RRAS2: variants seen among roughly 807,000 people sequenced by gnomAD.
The protein encoded by RRAS2 is ras-related protein R-Ras2.
Under a neutral mutation model 27.6 loss-of-function variants are expected in RRAS2, and 7 were observed. The ratio of observed to expected loss-of-function variants is 0.25; its 90% confidence interval spans 0.14 to 0.48. The LOEUF (loss-of-function observed/expected upper bound fraction) is 0.48, where lower values mean the gene tolerates loss of function less well. Among genes scored for constraint, RRAS2 ranks in the 20% least tolerant of loss-of-function variants. The probability of loss-of-function intolerance (pLI) is 0.99; values close to 1 mark genes in which losing one functional copy is unlikely to be tolerated. For missense variants in RRAS2, 178 were observed against 256.2 expected, an observed-to-expected ratio of 0.69 and a Z score of 2.08; for synonymous variants, 86 against 90.9, an observed-to-expected ratio of 0.95 and a Z score of 0.31.
chr11:14,358,992 T>A lies in RRAS2; in HGVS notation c.-122A>T, dbSNP rs1849145324. The A allele has an allele frequency of 1.8e-6, 2 of 1,140,782 alleles. No homozygotes were observed. Among genetic ancestry groups the A allele is most frequent in the African/African-American group, 3.3e-5 (2 of 60,850 alleles). The allele number at this position is 1,140,782 out of a possible 1,614,324, so 70.7% of individuals were successfully genotyped here. A position where few individuals can be genotyped will look rare whatever the true frequency, so the allele number is the denominator to read the frequency against. ...CGAGCGGCCGGGCTGGGGTCCCGGG[T>A]ACCGGGAGGCGTCTGGAGGGCCGGT... On this transcript the variant is annotated 5_prime_UTR_variant, in exon 1 of 6. Transcript: ENST00000256196. The surrounding 1 kb of genome is among the most constrained non-coding windows in gnomAD (Gnocchi z 5.1).
Position 14,281,673 on chromosome 11 carries a change from T to C in RRAS2, c.456A>G (p.Thr152=), listed in dbSNP as rs782386932. The change falls in exon 5 of 6, where the codon ACA becomes ACG. Residue 152 remains threonine (T), a synonymous_variant. Transcript: ENST00000256196. ...TAATCTTTGCTGATGCCTCCATGTA[T>C]GTTACCTTAAGCTGCCGTGCTAACT... The part of the protein sequence containing the change: ...GQQLARQLKV[T]YMEASAKIRM... The C allele has an allele frequency of 3.1e-6, 5 of 1,596,452 alleles. No individual in the cohort carries two copies. Among genetic ancestry groups the C allele is most frequent in the African/African-American group, 2.7e-5 (2 of 74,080 alleles).
chr11:14,293,157 ATATATC>A lies in RRAS2; in HGVS notation c.408+1308_408+1313del, dbSNP rs1270072817. 1.3e-3 allele frequency among the ~76,000 whole-genome samples: 161 copies of A among 120,096 alleles called. 5 individuals carry two copies. Among genetic ancestry groups the A allele is most frequent in the African/African-American group, 4.6e-3 (153 of 33,070 alleles). The allele number at this position is 120,096 out of a possible 152,430, so 78.8% of individuals were successfully genotyped here. On this transcript the variant is annotated intron_variant, in intron 4 of 5. Transcript: ENST00000256196. The stretch of plus-strand genomic sequence containing the variant: ...TATATATATATATATATATATATAT[ATATATC>A]ATTTTCTCTTAAGTCAGTGTTTGAA...
At chr11:14,322,928 T>C (rs1217067981) in intron 1 of RRAS2, among the ~76,000 whole-genome samples, 1 of 152,082 alleles carries the variant, frequency 6.6e-6, no homozygotes, top group Non-Finnish European at 1.5e-5. Context: ...ACAGAACTTA[T>C]GGAAATAAAA....
At chr11:14,288,840 G>A (rs1849733060) in intron 4 of RRAS2, among the ~76,000 whole-genome samples, 1 of 152,128 alleles carries the variant, frequency 6.6e-6, no homozygotes, top group Non-Finnish European at 1.5e-5. Context: ...TCAAGTTAAT[G>A]AAGTTTACAG....
chr11:14,299,515 C>T lies in RRAS2; in HGVS notation c.109-3660G>A, dbSNP rs377340363. On this transcript the variant is annotated intron_variant, in intron 1 of 5. Coordinates refer to ENST00000256196, the MANE Select transcript of RRAS2 (RefSeq NM_012250.6). ...CAGGATTCCATAGTTTCTTTACATG[C>T]TATGCAAAGCCCTCCAGGTTTTATG... Among the ~76,000 whole-genome samples the T allele has an allele frequency of 1.1e-3, 165 of 152,268 alleles. 1 individual carries two copies. The highest frequency in any genetic ancestry group is 6.2e-3 in the South Asian group (30 of 4,818).
intron 1 of RRAS2, among the ~76,000 whole-genome samples, chr11:14,331,069 A>C (rs1848471460): frequency 6.6e-6 from 1 of 152,204 alleles, no homozygotes; most frequent in Non-Finnish European, 1.5e-5. Flanking sequence ...GGCATGAGCC[A>C]CTGCGCCTGA....
chr11:14,347,592 G>A (rs1848863474), intron 1 of RRAS2, among the ~76,000 whole-genome samples: 1 of 152,162 alleles, frequency 6.6e-6, no homozygotes. Flanking sequence ...GGCCAAGACA[G>A]GAGGATCACT....
At chr11:14,338,688 G>A (rs187487607) in intron 1 of RRAS2, among the ~76,000 whole-genome samples, 5 of 152,172 alleles carry the variant, frequency 3.3e-5, no homozygotes, top group East Asian at 1.9e-4. Context: ...ACTCAATCCC[G>A]AAGTCAAATG....
intron 1 of RRAS2, among the ~76,000 whole-genome samples, chr11:14,350,831 G>A (rs531336879): frequency 1.3e-5 from 2 of 152,302 alleles, no homozygotes; most frequent in Admixed American, 6.5e-5. Context: ...TTGAAAGCAA[G>A]ACAAACCAAG....
At position 14,290,400 on chromosome 11, in the gene RRAS2, G is replaced by A. The variant is rs557887455; in HGVS notation, c.408+4071C>T. Among the ~76,000 whole-genome samples, 4 of 152,340 alleles carry A rather than the reference G, an allele frequency of 2.6e-5. No homozygotes were observed. In the South Asian group the frequency reaches 6.2e-4, roughly 24 times the overall value. On this transcript the variant is annotated intron_variant, in intron 4 of 5. Coordinates refer to ENST00000256196, the MANE Select transcript of RRAS2 (RefSeq NM_012250.6). ...GGAGGTGGATGTTGCAGTGAGCGGA[G>A]ATCGTGCCATTGCACTCCAGCCTGG... is the stretch of plus-strand genomic sequence containing the variant.
chr11:14,328,742 G>A (rs1478816103), intron 1 of RRAS2, among the ~76,000 whole-genome samples: 8 of 151,118 alleles, frequency 5.3e-5, no homozygotes, highest in East Asian at 2.0e-4. Flanking sequence ...TCTGCTCACC[G>A]CAACCTCCAC....
At chr11:14,308,424 T>C (rs943281426) in intron 1 of RRAS2, 1 of 257,754 alleles carries the variant, frequency 3.9e-6, no homozygotes, top group African/African-American at 2.3e-5. Context: ...CTTAAACCTC[T>C]TTCCTGGCTC....
intron 5 of RRAS2, among the ~76,000 whole-genome samples, chr11:14,280,351 T>C (rs974549870): frequency 6.6e-6 from 1 of 152,110 alleles, no homozygotes; most frequent in African/African-American, 2.4e-5. Context: ...TTCACTTTTT[T>C]TTCCTCCACA....
upstream of RRAS2, among the ~76,000 whole-genome samples, chr11:14,364,058 G>GA (rs1233283149): frequency 5.9e-5 from 9 of 152,274 alleles, no homozygotes; most frequent in Non-Finnish European, 1.2e-4. Context: ...CAACAAGAGC[G>GA]AAACTCTGTC....
At chr11:14,360,913 CA>C (rs78581800), upstream of RRAS2, among the ~76,000 whole-genome samples, 19,782 of 94,360 alleles carry the variant, frequency 0.21, 1,369 homozygotes, top group Middle Eastern at 0.25. Flanking sequence ...AATGCGGGCT[CA>C]AAAAAAAAAA....
At chr11:14,292,477 T>C (rs898771677) in intron 4 of RRAS2, among the ~76,000 whole-genome samples, 26 of 151,970 alleles carry the variant, frequency 1.7e-4, no homozygotes, top group Non-Finnish European at 3.5e-4. Context: ...CAATGACATA[T>C]AGAGTTTCTA....
At chr11:14,353,947 A>G (rs1554955136) in intron 1 of RRAS2, among the ~76,000 whole-genome samples, 1 of 152,216 alleles carries the variant, frequency 6.6e-6, no homozygotes, top group Non-Finnish European at 1.5e-5. Context: ...CATTAATGTT[A>G]AAAAAGTTTA....
intron 1 of RRAS2, among the ~76,000 whole-genome samples, chr11:14,339,693 G>C (rs11023191): frequency 6.6e-6 from 1 of 152,216 alleles, no homozygotes; most frequent in East Asian, 1.9e-4. Context: ...AGTTAAAAAA[G>C]AAAGTTATTA....
chr11:14,314,159 T>A (rs1848040389), intron 1 of RRAS2, among the ~76,000 whole-genome samples: 1 of 152,224 alleles, frequency 6.6e-6, no homozygotes, highest in South Asian at 2.1e-4. Context: ...TCTTAAATTG[T>A]TCAAATAATG....
Sources: gnomAD v4.1 joint callset for allele counts (sites outside exome capture counted in the v4.1 genomes callset) on GRCh38, gnomAD v4.1.1 for gene constraint, Gnocchi (gnomAD v3.1) non-coding constraint, MANE v1.5 for transcripts, NCBI Gene and HGNC (gene_info 2026-07-23, HGNC 2026-07-21) for gene names.